The following MAGI2 variants were observed in gnomAD, a reference collection of about 807,000 sequenced individuals.
The protein encoded by MAGI2 is membrane-associated guanylate kinase, WW and PDZ domain-containing protein 2.
MAGI2 carries 35 observed loss-of-function variants against 133.3 expected under a neutral mutation model. The ratio of observed to expected loss-of-function variants is 0.26; its 90% confidence interval spans 0.20 to 0.35. The LOEUF (loss-of-function observed/expected upper bound fraction) is 0.35, where lower values mean the gene tolerates loss of function less well. Among genes scored for constraint, MAGI2 ranks in the 10% least tolerant of loss-of-function variants. The pLI is 1.00. For missense variants in MAGI2, 1,636 were observed against 1,863.4 expected, an observed-to-expected ratio of 0.88 and a Z score of 2.25; for synonymous variants, 729 against 710.6, an observed-to-expected ratio of 1.03 and a Z score of -0.41.
intron 2 of MAGI2, among the ~76,000 whole-genome samples, chr7:78,778,628 G>A (rs1226306638): frequency 6.6e-6 from 1 of 152,084 alleles, no homozygotes; most frequent in Non-Finnish European, 1.5e-5. Context: ...GGAAAATGAA[G>A]AGCATGGAAG....
intron 21 of MAGI2, among the ~76,000 whole-genome samples, chr7:78,074,128 G>C (rs1815021822): frequency 6.6e-6 from 1 of 152,148 alleles, no homozygotes. Context: ...TTTCGGGGTG[G>C]CATTTGTTGA....
In MAGI2 at chr7:79,370,392, T is replaced by C. The variant is rs115965183; in HGVS notation, c.301+82628A>G. On this transcript the variant is annotated intron_variant, in intron 1 of 21. Coordinates refer to ENST00000354212, the MANE Select transcript of MAGI2 (RefSeq NM_012301.4). ...GTAGACTCACAGAAATAGAAAAGCC[T>C]AACATACTGCTTTGGAAAGCATCTA... is the stretch of plus-strand genomic sequence containing the variant. Among the ~76,000 whole-genome samples, 759 of 152,234 alleles carry C rather than the reference T, an allele frequency of 5.0e-3. 7 individuals are homozygous for C. The highest frequency in any genetic ancestry group is 0.018 in the African/African-American group (731 of 41,552).
chr7:78,598,702 A>T (rs1365424551), intron 3 of MAGI2, among the ~76,000 whole-genome samples: 3 of 152,202 alleles, frequency 2.0e-5, no homozygotes, highest in Non-Finnish European at 4.4e-5. Context: ...TGCCTGTACT[A>T]GGTAAGCTAC....
chr7:79,086,048 C>T (rs536274713), intron 1 of MAGI2, among the ~76,000 whole-genome samples: 15 of 151,820 alleles, frequency 9.9e-5, no homozygotes, highest in Admixed American at 2.6e-4. Context: ...TTGGAGTATT[C>T]GAAAACCTCC....
intron 2 of MAGI2, among the ~76,000 whole-genome samples, chr7:78,737,594 T>G (rs953743716): frequency 1.3e-5 from 2 of 152,146 alleles, no homozygotes; most frequent in Non-Finnish European, 2.9e-5. Context: ...TATAACATAT[T>G]GCAACAGACT....
rs184038777 is a variant in MAGI2 at position 78,652,823 on chromosome 7, A to T, written c.419-25584T>A. The stretch of plus-strand genomic sequence containing the variant: ...CTAAAGAGCTTCTGCACAGCAGAAG[A>T]AACTATCATCAGAGTGAACAGGCAA... On this transcript the variant is annotated intron_variant, in intron 2 of 21. Coordinates refer to ENST00000354212, the MANE Select transcript of MAGI2 (RefSeq NM_012301.4). 2.6e-5 allele frequency among the ~76,000 whole-genome samples: 4 copies of T among 152,300 alleles called. No homozygotes were observed. In the East Asian group the frequency reaches 7.7e-4, roughly 29 times the overall value.
At chr7:79,089,269 A>T (rs999262451) in intron 1 of MAGI2, among the ~76,000 whole-genome samples, 1 of 152,132 alleles carries the variant, frequency 6.6e-6, no homozygotes, top group Non-Finnish European at 1.5e-5. Flanking sequence ...ATCTCACACC[A>T]GTTAAAATGG....
chr7:78,457,285 C>T (rs917083591), intron 6 of MAGI2, among the ~76,000 whole-genome samples: 9 of 152,150 alleles, frequency 5.9e-5, no homozygotes, highest in South Asian at 2.1e-4. Flanking sequence ...GAAAAGTTTT[C>T]TATGTTGTTT....
chr7:79,393,454 T>G (rs1465837319), intron 1 of MAGI2, among the ~76,000 whole-genome samples: 1 of 152,208 alleles, frequency 6.6e-6, no homozygotes, highest in Non-Finnish European at 1.5e-5. Flanking sequence ...TATAACATTT[T>G]ATTTATCCTT....
Position 79,003,498 on chromosome 7 carries a change from G to A in MAGI2, c.418+3592C>T, listed in dbSNP as rs570320200. Among the ~76,000 whole-genome samples the A allele has an allele frequency of 1.5e-3, 224 of 152,176 alleles. 1 individual carries two copies. Among genetic ancestry groups the A allele is most frequent in the Admixed American group, 4.0e-3 (61 of 15,272 alleles). ...ATCATTAATGCATGCATGTATAAGAGCAATGATATAGTCTTCAGTAGTCTG... is the reference window on the plus strand; with the variant it reads ...ATCATTAATGCATGCATGTATAAGAACAATGATATAGTCTTCAGTAGTCTG... On this transcript the variant is annotated intron_variant, in intron 2 of 21. Coordinates refer to ENST00000354212, the MANE Select transcript of MAGI2 (RefSeq NM_012301.4).
chr7:78,918,425 A>T (rs1400096523), intron 2 of MAGI2, among the ~76,000 whole-genome samples: 1 of 152,190 alleles, frequency 6.6e-6, no homozygotes, highest in Admixed American at 6.6e-5. Context: ...AACATATTTG[A>T]CATCCACAAC....
chr7:79,228,500 G>A (rs1456903347), intron 1 of MAGI2, among the ~76,000 whole-genome samples: 1 of 151,952 alleles, frequency 6.6e-6, no homozygotes, highest in Non-Finnish European at 1.5e-5. Flanking sequence ...TGTAAAATGT[G>A]TAAAAGGGTA....
intron 20 of MAGI2, among the ~76,000 whole-genome samples, chr7:78,113,208 G>T (rs1196361133): frequency 6.6e-6 from 1 of 152,056 alleles, no homozygotes; most frequent in Non-Finnish European, 1.5e-5. Context: ...TGTGATGAGG[G>T]TCTGATCTTT....
intron 10 of MAGI2, among the ~76,000 whole-genome samples, chr7:78,245,124 C>T (rs1358546205): frequency 6.6e-6 from 1 of 152,238 alleles, no homozygotes; most frequent in Admixed American, 6.5e-5. Context: ...TGTATGCCCC[C>T]AAATACAACA....
chr7:78,924,267 T>G (rs1453673578), intron 2 of MAGI2, among the ~76,000 whole-genome samples: 1 of 152,132 alleles, frequency 6.6e-6, no homozygotes, highest in African/African-American at 2.4e-5. Context: ...AACCCTGTGT[T>G]GTGCCAGTTT....
At chr7:78,638,611 C>T (rs1809931491) in intron 2 of MAGI2, among the ~76,000 whole-genome samples, 1 of 152,110 alleles carries the variant, frequency 6.6e-6, no homozygotes, top group Non-Finnish European at 1.5e-5. Context: ...TCCATTCTTA[C>T]AATATACAGG....
At chr7:78,649,153 A>G (rs1265598872) in intron 2 of MAGI2, among the ~76,000 whole-genome samples, 3 of 148,486 alleles carry the variant, frequency 2.0e-5, no homozygotes, top group Admixed American at 6.9e-5. Flanking sequence ...TATTTCCCAC[A>G]ATGACTTGTT....
intron 2 of MAGI2, among the ~76,000 whole-genome samples, chr7:78,940,065 T>A (rs1044357445): frequency 3.9e-5 from 6 of 152,188 alleles, no homozygotes; most frequent in Admixed American, 3.9e-4. Context: ...CATCCCCATG[T>A]GTGCCATGCC....
At chr7:78,555,068 G>T (rs1799668865) in intron 3 of MAGI2, among the ~76,000 whole-genome samples, 1 of 151,896 alleles carries the variant, frequency 6.6e-6, no homozygotes, top group Non-Finnish European at 1.5e-5. Flanking sequence ...GAGTCCAGGA[G>T]GTTGAGGCTG....
Sources: gnomAD v4.1 joint callset for allele counts (sites outside exome capture counted in the v4.1 genomes callset) on GRCh38, gnomAD v4.1.1 for gene constraint, MANE v1.5 for transcripts, NCBI Gene and HGNC (gene_info 2026-07-23, HGNC 2026-07-21) for gene names.